XYLT1: variants seen among roughly 807,000 people sequenced by gnomAD.
XYLT1 encodes the protein xylosyltransferase 1, also known as beta-D-xylosyltransferase 1.
In XYLT1, 36 loss-of-function variants were observed where a neutral mutation model predicts 91.3. The ratio of observed to expected loss-of-function variants is 0.39; its 90% CI spans 0.30 to 0.52. The LOEUF is 0.52. XYLT1 is among the 20% of genes least tolerant of loss of function. The pLI is 0.68. For synonymous variants in XYLT1, 588 were observed against 532.0 expected (o/e 1.11, Z -1.45); for missense variants, 1,242 against 1,284.5 (o/e 0.97, Z 0.51).
At chr16:17,241,007 C>A (rs2141734207) in intron 3 of XYLT1, among the ~76,000 whole-genome samples, 1 of 152,314 alleles carries the variant, frequency 6.6e-6, no homozygotes, top group African/African-American at 2.4e-5. Context: ...GGATCCTATT[C>A]CATGTTTTTG....
At chr16:17,220,135 A>C (rs1400923629) in intron 3 of XYLT1, among the ~76,000 whole-genome samples, 1 of 152,196 alleles carries the variant, frequency 6.6e-6, no homozygotes, top group East Asian at 1.9e-4. Context: ...GGCCACTGAC[A>C]GTGAAAACAA....
chr16:17,158,804 A>G, intron 6 of XYLT1, 25 bp downstream of exon 6: 2 of 1,611,390 alleles, frequency 1.2e-6, no homozygotes. Context: ...TCCATTTTGT[A>G]CAGGGGTAGG....
At chr16:17,351,228 T>C (rs1214338062) in intron 2 of XYLT1, among the ~76,000 whole-genome samples, 3 of 152,024 alleles carry the variant, frequency 2.0e-5, no homozygotes, top group Non-Finnish European at 4.4e-5. Context: ...AGAAGATAAA[T>C]GTGTCGGCCA....
chr16:17,319,708 TG>T (rs1567372684), intron 2 of XYLT1, among the ~76,000 whole-genome samples: 2 of 152,166 alleles, frequency 1.3e-5, no homozygotes, highest in Non-Finnish European at 2.9e-5. Flanking sequence ...CCCAAAGTGC[TG>T]GGATTACAGG....
chr16:17,369,997 G>A (rs746680852), intron 1 of XYLT1, among the ~76,000 whole-genome samples: 16 of 152,188 alleles, frequency 1.1e-4, no homozygotes, highest in Non-Finnish European at 1.8e-4. Flanking sequence ...AGGAAGATGG[G>A]AAGAAAGTAT....
intron 5 of XYLT1, among the ~76,000 whole-genome samples, chr16:17,191,289 T>G (rs1167351260): frequency 6.6e-6 from 1 of 152,240 alleles, no homozygotes; most frequent in Non-Finnish European, 1.5e-5. Flanking sequence ...ACTACAGGAA[T>G]TCTTTGACCT....
Position 17,106,828 on chromosome 16 carries a change from C to T in XYLT1, c.*1867G>A, listed in dbSNP as rs8046024. ...ACTCTGCATAAGGAAAAAAACAAGG[C>T]TCCAACGGTCCCCAAGGCACCCCAC... On this transcript the variant is annotated 3_prime_UTR_variant, in exon 12 of 12. Coordinates refer to ENST00000261381, the MANE Select transcript of XYLT1 (RefSeq NM_022166.4). 27,268 of 151,930 alleles carry T rather than the reference C, an allele frequency of 0.18. 7,610 individuals are homozygous for T. The highest frequency in any genetic ancestry group is 0.6 in the African/African-American group (24,661 of 41,340). The allele number at this position is 151,930 out of a possible 1,614,324, so 9.4% of individuals were successfully genotyped here. A position where few individuals can be genotyped will look rare whatever the true frequency, so the allele number is the denominator to read the frequency against.
At chr16:17,124,899 G>C (rs2141492805) in intron 10 of XYLT1, among the ~76,000 whole-genome samples, 1 of 152,274 alleles carries the variant, frequency 6.6e-6, no homozygotes, top group South Asian at 2.1e-4. Context: ...AGACTTTCCA[G>C]TGCATTTTGC....
chr16:17,289,654 C>G (rs2034193266), intron 2 of XYLT1, among the ~76,000 whole-genome samples: 1 of 152,132 alleles, frequency 6.6e-6, no homozygotes, highest in South Asian at 2.1e-4. Flanking sequence ...ATCAGGGTGA[C>G]AGTTGAGAAT....
chr16:17,470,811 C>A lies in XYLT1; in HGVS notation c.-15G>T, dbSNP rs1016104462. 3.3e-6 allele frequency: 3 copies of A among 908,308 alleles called. No homozygotes were observed. Among genetic ancestry groups the A allele is most frequent in the African/African-American group, 6.1e-5 (2 of 32,828 alleles). 56.3% of individuals were successfully genotyped at this position (908,308 alleles called of 1,614,324 possible). Reference sequence around the variant, plus strand: ...GCCGCCACCATCTTCGGAGCGCGGCCGGCGAGCGAGGCGCGGGGACCCCGG... The same window carrying A: ...GCCGCCACCATCTTCGGAGCGCGGCAGGCGAGCGAGGCGCGGGGACCCCGG... On this transcript the variant is annotated 5_prime_UTR_variant, in exon 1 of 12. Coordinates refer to ENST00000261381, the MANE Select transcript of XYLT1 (RefSeq NM_022166.4).
chr16:17,116,117 C>T (rs891507882), intron 11 of XYLT1, among the ~76,000 whole-genome samples: 8 of 152,118 alleles, frequency 5.3e-5, no homozygotes, highest in Admixed American at 4.6e-4. Flanking sequence ...AAAGGATTCA[C>T]ACCAGACTGT....
At chr16:17,367,672 G>A (rs1271267632) in intron 1 of XYLT1, among the ~76,000 whole-genome samples, 1 of 152,228 alleles carries the variant, frequency 6.6e-6, no homozygotes, top group Non-Finnish European at 1.5e-5. Flanking sequence ...TAGAGGTGCA[G>A]ACCAGTTATG....
chr16:17,148,327 G>A (rs2031191559), intron 6 of XYLT1, among the ~76,000 whole-genome samples: 1 of 152,134 alleles, frequency 6.6e-6, no homozygotes, highest in Non-Finnish European at 1.5e-5. Context: ...TTCATGCTTT[G>A]TATTTCTCCA....
In XYLT1 at chr16:17,441,407, C is replaced by T. The variant is rs1428759687; in HGVS notation, c.363+29027G>A. On this transcript the variant is annotated intron_variant, in intron 1 of 11. Transcript: ENST00000261381. Reference sequence around the variant, plus strand: ...ATTGCACTAAAAAAAAGGAAATTTCCGGTTGCTTTTAATACCTGAAAGAAT... The same window carrying T: ...ATTGCACTAAAAAAAAGGAAATTTCTGGTTGCTTTTAATACCTGAAAGAAT... Among the ~76,000 whole-genome samples, 10 of 152,014 alleles carry T rather than the reference C, an allele frequency of 6.6e-5. No individual in the cohort carries two copies. The East Asian group carries it at 9.7e-4, about 15-fold the overall frequency.
At chr16:17,419,926 C>T (rs778985721) in intron 1 of XYLT1, among the ~76,000 whole-genome samples, 1 of 152,180 alleles carries the variant, frequency 6.6e-6, no homozygotes, top group Non-Finnish European at 1.5e-5. Context: ...AATTTCCCCT[C>T]ACTGGCCCTC....
chr16:17,284,587 C>T (rs1177712406), intron 2 of XYLT1, among the ~76,000 whole-genome samples: 6 of 152,294 alleles, frequency 3.9e-5, no homozygotes, highest in East Asian at 1.9e-4. Flanking sequence ...AAACACATAC[C>T]GGGCAAAAGG....
chr16:17,362,737 GC>G lies in XYLT1; in HGVS notation c.364-4688del, dbSNP rs2035401092. On this transcript the variant is annotated intron_variant, in intron 1 of 11. Transcript: ENST00000261381. ...ATTCTGAGCCCTGAGCTAAGCCTCA[GC>G]CATTGGAAAGCATGTTCTCTTCCTT... Among the ~76,000 whole-genome samples, 4 of 152,356 alleles carry G rather than the reference GC, an allele frequency of 2.6e-5. No homozygotes were observed. The South Asian group carries it at 8.3e-4, about 32-fold the overall frequency.
intron 3 of XYLT1, among the ~76,000 whole-genome samples, chr16:17,206,385 C>G (rs998101478): frequency 6.6e-6 from 1 of 151,952 alleles, no homozygotes; most frequent in African/African-American, 2.4e-5. Context: ...GAATCCCCTG[C>G]TCTCGATGGG....
At chr16:17,449,953 T>C (rs969196866) in intron 1 of XYLT1, among the ~76,000 whole-genome samples, 3 of 152,234 alleles carry the variant, frequency 2.0e-5, no homozygotes, top group African/African-American at 7.2e-5. Flanking sequence ...TGAGCACCTA[T>C]TGTGTGCCAT....
Sources: gnomAD v4.1 joint callset for allele counts (sites outside exome capture counted in the v4.1 genomes callset) on GRCh38, gnomAD v4.1.1 for gene constraint, MANE v1.5 for transcripts, NCBI Gene and HGNC (gene_info 2026-07-23, HGNC 2026-07-21) for gene names.